THRAP3: variants seen among roughly 807,000 people sequenced by gnomAD.
THRAP3 encodes the protein thyroid hormone receptor-associated protein 3.
THRAP3 carries 16 observed loss-of-function variants against 101.0 expected under a neutral mutation model. That is an observed-to-expected ratio of 0.16 (90% CI 0.11 to 0.24). The LOEUF (loss-of-function observed/expected upper bound fraction) is 0.24. Among genes scored for constraint, THRAP3 ranks in the 10% least tolerant of loss-of-function variants. The pLI is 1.00. For synonymous variants in THRAP3, 407 were observed against 422.6 expected (o/e 0.96, Z 0.45); for missense variants, 989 against 1,202.7 (o/e 0.82, Z 2.63).
intron 1 of THRAP3, among the ~76,000 whole-genome samples, chr1:36,236,799 A>G (rs1443324027): frequency 6.6e-6 from 1 of 152,222 alleles, no homozygotes; most frequent in Non-Finnish European, 1.5e-5. Context: ...TGTTACCTCT[A>G]TGCTGAAAGT....
intron 2 of THRAP3, among the ~76,000 whole-genome samples, chr1:36,274,076 TCACACACACAC>T (rs1645624893): frequency 4.5e-5 from 2 of 44,744 alleles, no homozygotes; most frequent in African/African-American, 9.5e-5. Context: ...TGTGTGTGTG[TCACACACACAC>T]ACACACACAC....
chr1:36,240,118 A>G (rs973880396), intron 1 of THRAP3, among the ~76,000 whole-genome samples: 15 of 152,204 alleles, frequency 9.9e-5, no homozygotes, highest in African/African-American at 3.6e-4. Context: ...AGAGGGACAG[A>G]ACCAAAGGGT....
chr1:36,300,870 T>C lies in THRAP3; in HGVS notation c.2304-16T>C, dbSNP rs1292964538. The C allele has an allele frequency of 6.2e-7, 1 of 1,612,102 alleles. No homozygotes were observed. Among genetic ancestry groups the C allele is most frequent in the Non-Finnish European group, 8.5e-7 (1 of 1,179,742 alleles). ...TAGAAAGATGATTGATCACCCTGGC[T>C]CTTCTCTTTTCACAGGAAGCATCGG... is the stretch of plus-strand genomic sequence containing the variant. On this transcript the variant is annotated splice_polypyrimidine_tract_variant and intron_variant, in intron 9 of 11. Transcript: ENST00000354618.
At chr1:36,208,647 C>T in the THRAP3 span, among the ~76,000 whole-genome samples, 6 of 152,114 alleles carry the variant, frequency 3.9e-5, no homozygotes, top group Non-Finnish European at 8.8e-5. Context: ...TTTGGCATGT[C>T]CATGTAACCA....
chr1:36,224,040 A>C (rs1305448874), upstream of THRAP3, among the ~76,000 whole-genome samples: 1 of 152,208 alleles, frequency 6.6e-6, no homozygotes, highest in Non-Finnish European at 1.5e-5. Flanking sequence ...CGCAGCAGAG[A>C]CCAAAAACAG....
chr1:36,233,896 A>G (rs543774004), intron 1 of THRAP3, among the ~76,000 whole-genome samples: 10 of 152,338 alleles, frequency 6.6e-5, no homozygotes, highest in East Asian at 3.9e-4. Context: ...TCCTCCTTCA[A>G]TCAGAACAGT....
chr1:36,265,927 G>A (rs924645110), intron 2 of THRAP3, among the ~76,000 whole-genome samples: 1 of 152,050 alleles, frequency 6.6e-6, no homozygotes, highest in Admixed American at 6.6e-5. Context: ...GCTGAGGCGG[G>A]CGGATCATTT....
chr1:36,289,498 G>A lies in THRAP3; in HGVS notation c.1479G>A (p.Glu493=). ...KQRKTEELEE[E]SFPERSKKED... ...GAAAAACAGAGGAGCTGGAGGAGGA[G>A]TCTTTCCCAGAGAGATCCAAAAAGG... The change falls in exon 5 of 12, where the codon GAG becomes GAA. Residue 493 remains glutamate (E), a synonymous_variant. Transcript: ENST00000354618. The A allele has an allele frequency of 1.2e-6, 2 of 1,614,206 alleles. No homozygotes were observed. Among genetic ancestry groups the A allele is most frequent in the African/African-American group, 1.3e-5 (1 of 75,054 alleles).
At chr1:36,220,783 GTC>G (rs1476058612), upstream of THRAP3, among the ~76,000 whole-genome samples, 1 of 151,332 alleles carries the variant, frequency 6.6e-6, no homozygotes, top group Non-Finnish European at 1.5e-5. Context: ...GCGAAAACCT[GTC>G]TCTACTAAAA....
chr1:36,302,037 C>T (rs563180648), intron 11 of THRAP3, among the ~76,000 whole-genome samples: 5 of 152,312 alleles, frequency 3.3e-5, no homozygotes, highest in South Asian at 4.1e-4. Context: ...TCCCTGATGC[C>T]GCTGTCCCTC....
At chr1:36,212,418 C>CTTTTT in the THRAP3 span, among the ~76,000 whole-genome samples, 109 of 122,002 alleles carry the variant, frequency 8.9e-4, 2 homozygotes, top group African/African-American at 2.2e-3. Context: ...TTCTTTCTTT[C>CTTTTT]TTTTTTTTTT....
At chr1:36,229,652 C>T (rs7414496) in intron 1 of THRAP3, among the ~76,000 whole-genome samples, 4 of 150,948 alleles carry the variant, frequency 2.6e-5, no homozygotes, top group African/African-American at 4.9e-5. Context: ...TTTGTTTGTT[C>T]GTTTGTTTGT....
chr1:36,282,467 T>C, intron 2 of THRAP3, 66 bp from the exon 3 acceptor site: 3 of 1,147,646 alleles, frequency 2.6e-6, no homozygotes, highest in Non-Finnish European at 2.5e-6. Context: ...GTTTCTAAAA[T>C]GTCCAAAGAG....
intron 1 of THRAP3, among the ~76,000 whole-genome samples, chr1:36,257,407 T>C (rs1645389299): frequency 6.6e-6 from 1 of 152,194 alleles, no homozygotes; most frequent in Admixed American, 6.5e-5. Context: ...AAATTATTTG[T>C]TGAATAAGTG....
At chr1:36,290,202 C>CT (rs899412806) in intron 5 of THRAP3, among the ~76,000 whole-genome samples, 87 of 146,692 alleles carry the variant, frequency 5.9e-4, no homozygotes, top group South Asian at 8.6e-4. Flanking sequence ...TCTCTCTCTT[C>CT]TTTTTTTTTT....
At chr1:36,214,498 G>C in the THRAP3 span, among the ~76,000 whole-genome samples, 5 of 151,958 alleles carry the variant, frequency 3.3e-5, no homozygotes, top group African/African-American at 9.7e-5. Context: ...CTTCCTCACT[G>C]GTCTCCCCAC....
rs146414795 is a variant in THRAP3, at chr1:36,232,572, A to G, written c.-135+8067A>G. 8.8e-4 allele frequency among the ~76,000 whole-genome samples: 134 copies of G among 152,300 alleles called. 1 individual carries two copies. The highest frequency in any genetic ancestry group is 1.4e-3 in the Non-Finnish European group (97 of 68,030). On this transcript the variant is annotated intron_variant, in intron 1 of 11. Coordinates refer to ENST00000354618, the MANE Select transcript of THRAP3 (RefSeq NM_005119.4). ...GAGTAAGAGGGATTTGTTTTATTCA[A>G]TGTTGAATCTAGTCACTACCTAGGA...
chr1:36,283,202 A>G lies in THRAP3; in HGVS notation c.137+502A>G, dbSNP rs185475401. Among the ~76,000 whole-genome samples the G allele has an allele frequency of 5.4e-4, 82 of 152,378 alleles. 1 individual carries two copies. Among genetic ancestry groups the G allele is most frequent in the Middle Eastern group, 6.8e-3 (2 of 294 alleles). ...TACTAACAAGCTGCATCTGTTTAGT[A>G]AATGTATCTTAAAACTTTTTAAAAA... On this transcript the variant is annotated intron_variant, in intron 3 of 11. Coordinates refer to ENST00000354618, the MANE Select transcript of THRAP3 (RefSeq NM_005119.4).
intron 2 of THRAP3, among the ~76,000 whole-genome samples, chr1:36,265,724 G>A (rs1438938710): frequency 6.6e-6 from 1 of 152,024 alleles, no homozygotes; most frequent in Non-Finnish European, 1.5e-5. Context: ...TTGTTACATA[G>A]GTATACATGT....
Sources: allele counts gnomAD v4.1 joint callset (sites outside exome capture counted in the v4.1 genomes callset), GRCh38; gene constraint gnomAD v4.1.1; transcripts MANE v1.5; gene names NCBI Gene and HGNC (gene_info 2026-07-23, HGNC 2026-07-21).